The following ATP1A4 variants were observed in gnomAD, a reference collection of about 807,000 sequenced individuals.
ATP1A4 encodes sodium/potassium-transporting ATPase subunit alpha-4.
Under a neutral mutation model 114.3 loss-of-function variants are expected in ATP1A4, and 90 were observed. The observed-to-expected ratio is 0.79, with a 90% CI of 0.66 to 0.94. The LOEUF (loss-of-function observed/expected upper bound fraction) is 0.94. ATP1A4 is among the 40% of genes least tolerant of loss of function. The probability of loss-of-function intolerance (pLI) is 0.00; values close to 1 mark genes in which losing one functional copy is unlikely to be tolerated. For synonymous variants in ATP1A4, 511 were observed against 494.1 expected, an observed-to-expected ratio of 1.03 and a Z score of -0.45; for missense variants, 1,222 against 1,313.6, an observed-to-expected ratio of 0.93 and a Z score of 1.08.
At chr1:160,164,677 G>A (rs1399111864) in intron 7 of ATP1A4, among the ~76,000 whole-genome samples, 2 of 152,212 alleles carry the variant, frequency 1.3e-5, no homozygotes, top group Non-Finnish European at 2.9e-5. Flanking sequence ...GTCACTGAGA[G>A]TGAGTTCTAG....
At chr1:160,154,095 G>A (rs1268350708) in intron 2 of ATP1A4, among the ~76,000 whole-genome samples, 1 of 152,104 alleles carries the variant, frequency 6.6e-6, no homozygotes, top group Non-Finnish European at 1.5e-5. Context: ...TATGGGCCAG[G>A]TGCCGTGGCT....
intron 12 of ATP1A4, among the ~76,000 whole-genome samples, chr1:160,172,194 G>T (rs1470046256): frequency 2.0e-5 from 3 of 152,206 alleles, no homozygotes; most frequent in Non-Finnish European, 4.4e-5. Flanking sequence ...CTGAGAGACT[G>T]CATTTTTAAC....
intron 4 of ATP1A4, 131 bp from the exon 5 acceptor site, chr1:160,158,871 G>A: frequency 1.0e-6 from 1 of 1,002,702 alleles, no homozygotes; most frequent in South Asian, 1.8e-5. Flanking sequence ...ACACCTTCAA[G>A]AATGATGTGG....
intron 13 of ATP1A4, among the ~76,000 whole-genome samples, 180 bp downstream of exon 13, chr1:160,173,897 G>T (rs1490405569): frequency 6.6e-6 from 1 of 152,146 alleles, no homozygotes; most frequent in Non-Finnish European, 1.5e-5. Context: ...GTTTTCAAAG[G>T]AAGCAAGATG....
rs77104919 is a variant in ATP1A4 at position 160,159,874 on chromosome 1, G to A, written c.778+348G>A. ...TAAGCTGAAAATGGCACAGAGGGGA[G>A]GAAAATTGTTCAGCCCTGCTAAGTC... On this transcript the variant is annotated intron_variant, in intron 6 of 21. Coordinates refer to ENST00000368081, the MANE Select transcript of ATP1A4 (RefSeq NM_144699.4). 6.3e-3 allele frequency among the ~76,000 whole-genome samples: 966 copies of A among 152,290 alleles called. 25 individuals carry two copies. In the East Asian group the frequency reaches 0.093, roughly 15 times the overall value.
Position 160,176,470 on chromosome 1 carries a change from A to C in ATP1A4, c.2467-9A>C. 1.9e-6 allele frequency: 3 copies of C among 1,613,984 alleles called. No homozygotes were observed. Among genetic ancestry groups the C allele is most frequent in the Non-Finnish European group, 2.5e-6 (3 of 1,179,960 alleles). ...GTGACCCCTGTCATCCCCACCCTCC[A>C]TCCTCCAGGTCCCTGCCATCTCCTT... On this transcript the variant is annotated splice_polypyrimidine_tract_variant and intron_variant, in intron 16 of 21. Coordinates refer to ENST00000368081, the MANE Select transcript of ATP1A4 (RefSeq NM_144699.4).
Position 160,163,659 on chromosome 1 carries a change from C to T in ATP1A4, c.779-497C>T, listed in dbSNP as rs568792972. Among the ~76,000 whole-genome samples the T allele has an allele frequency of 3.9e-5, 6 of 152,230 alleles. No individual in the cohort carries two copies. In the South Asian group the frequency reaches 1.2e-3, roughly 32 times the overall value. On this transcript the variant is annotated intron_variant, in intron 6 of 21. Transcript: ENST00000368081. ...CCCTCCACATGGTCATACACATAGA[C>T]ACTTTCCAAACCCAGTCCTTTGAGG...
In ATP1A4 at chr1:160,176,213, A is replaced by G. The variant is rs776801355; in HGVS notation, c.2433A>G (p.Ile811Met). 8 of 1,613,938 alleles carry G rather than the reference A, an allele frequency of 5.0e-6. No homozygotes were observed. Among genetic ancestry groups the G allele is most frequent in the Non-Finnish European group, 8.5e-7 (1 of 1,180,032 alleles). ...GTATACCCCTGCCTCTGGGAACCAT[A>G]ACCATCCTCTGCATTGATCTCGGCA... The part of the protein sequence containing the change: ...ILGIPLPLGT[I>M]TILCIDLGTD... The change falls in exon 16 of 22, where the codon ATA becomes ATG. Residue 811 changes from isoleucine (I) to methionine (M), a missense_variant. Transcript: ENST00000368081.
intron 16 of ATP1A4, 26 bp downstream of exon 16, chr1:160,176,272 G>T (rs111871100): frequency 1.5e-5 from 25 of 1,612,998 alleles, no homozygotes; most frequent in African/African-American, 5.3e-5. Context: ...GTGAGCAAGA[G>T]ATTCCCAGAA....
At chr1:160,181,622 G>C (rs1194810125) in intron 18 of ATP1A4, 62 bp from the exon 19 acceptor site, 4 of 1,570,062 alleles carry the variant, frequency 2.5e-6, no homozygotes, top group Non-Finnish European at 3.5e-6. Flanking sequence ...GGAGAGGAAA[G>C]AAGCCTTAGG....
At chr1:160,186,388 G>A (rs779223402) in intron 21 of ATP1A4, 21 bp downstream of exon 21, 6 of 1,579,016 alleles carry the variant, frequency 3.8e-6, no homozygotes, top group South Asian at 2.2e-5. Flanking sequence ...CCTGGGCCCC[G>A]CTCTGACTGA....
At position 160,171,677 on chromosome 1, in the gene ATP1A4, G is replaced by C; in HGVS notation, c.1774G>C (p.Val592Leu). The part of the protein sequence containing the change: ...INFPMDNLCF[V>L]GLISMIDPPR... ...TTTCCCCATGGACAACCTTTGTTTT[G>C]TGGGCCTCATATCCATGATTGACCC... The change falls in exon 12 of 22, where the codon GTG becomes CTG. Residue 592 changes from valine (V) to leucine (L), a missense_variant. Physicochemically the swap from Val to Leu is conservative, Grantham distance 32 (BLOSUM62 1). Transcript: ENST00000368081. The C allele has an allele frequency of 6.2e-7, 1 of 1,614,082 alleles. No individual in the cohort carries two copies. Among genetic ancestry groups the C allele is most frequent in the South Asian group, 1.1e-5 (1 of 91,062 alleles).
intron 20 of ATP1A4, among the ~76,000 whole-genome samples, chr1:160,185,620 TC>T (rs1425363574): frequency 6.6e-6 from 1 of 151,470 alleles, no homozygotes; most frequent in Non-Finnish European, 1.5e-5. Flanking sequence ...ACCCCATCTC[TC>T]CTAAAAATAC....
chr1:160,174,405 T>G lies in ATP1A4; in HGVS notation c.2142+144T>G, dbSNP rs943957571. 4.2e-6 allele frequency: 6 copies of G among 1,429,968 alleles called. No homozygotes were observed. In the African/African-American group the frequency reaches 8.6e-5, roughly 21 times the overall value. The allele number at this position is 1,429,968 out of a possible 1,614,324, so 88.6% of individuals were successfully genotyped here. ...CTGGAACCTCCATGGTGGCCTTCAG[T>G]TTGGGGCTCCCTGAAAGTTTAAATA... On this transcript the variant is annotated intron_variant, in intron 14 of 21. Coordinates refer to ENST00000368081, the MANE Select transcript of ATP1A4 (RefSeq NM_144699.4).
At chr1:160,179,349 C>T (rs1441986873) in intron 18 of ATP1A4, among the ~76,000 whole-genome samples, 1 of 152,210 alleles carries the variant, frequency 6.6e-6, no homozygotes, top group African/African-American at 2.4e-5. Flanking sequence ...TACTTCCTCC[C>T]TGCTGCCAAG....
intron 18 of ATP1A4, among the ~76,000 whole-genome samples, chr1:160,178,534 G>A (rs1653567875): frequency 6.6e-6 from 1 of 151,986 alleles, no homozygotes; most frequent in Non-Finnish European, 1.5e-5. Flanking sequence ...AATAAGCTGG[G>A]TATGGTCGTG....
chr1:160,179,615 T>C (rs1261366189), intron 18 of ATP1A4, among the ~76,000 whole-genome samples: 1 of 152,224 alleles, frequency 6.6e-6, no homozygotes, highest in East Asian at 1.9e-4. Flanking sequence ...CAAGGATCGC[T>C]CCTTACTTTC....
chr1:160,166,629 A>C lies in ATP1A4; in HGVS notation c.1149A>C (p.Ser383=), dbSNP rs548785469. 56 of 1,614,104 alleles carry C rather than the reference A, an allele frequency of 3.5e-5. No individual in the cohort carries two copies. Among genetic ancestry groups the C allele is most frequent in the Middle Eastern group, 1.6e-4 (1 of 6,084 alleles). The change falls in exon 8 of 22, where the codon TCA becomes TCC. Residue 383 remains serine, a synonymous_variant. Transcript: ENST00000368081. ...ETLGSTSTIC[S]DKTGTLTQNR... is the part of the protein sequence containing the mutation. ...TGGGCTCCACGTCCACCATCTGCTCAGACAAGACGGGCACCCTCACCCAGA... is the reference window on the plus strand; with the variant it reads ...TGGGCTCCACGTCCACCATCTGCTCCGACAAGACGGGCACCCTCACCCAGA...
chr1:160,175,550 T>A (rs1653429088), intron 15 of ATP1A4, among the ~76,000 whole-genome samples: 1 of 151,746 alleles, frequency 6.6e-6, no homozygotes, highest in African/African-American at 2.4e-5. Flanking sequence ...AATAAAATAA[T>A]TAAATTATAT....
Sources: gnomAD v4.1 joint callset for allele counts (sites outside exome capture counted in the v4.1 genomes callset) on GRCh38, gnomAD v4.1.1 for gene constraint, MANE v1.5 for transcripts, NCBI Gene and HGNC (gene_info 2026-07-23, HGNC 2026-07-21) for gene names.